Variants in DSCAM observed in about 807,000 individuals in gnomAD.
DSCAM encodes the protein cell adhesion molecule DSCAM.
In DSCAM, 47 loss-of-function variants were observed where a neutral mutation model predicts 217.7. That is an observed-to-expected ratio of 0.22 (90% confidence interval 0.17 to 0.28). DSCAM has a LOEUF of 0.28. DSCAM is among the 10% of genes least tolerant of loss of function. The pLI is 1.00. For synonymous variants in DSCAM, 1,056 were observed against 1,015.3 expected (o/e 1.04, Z -0.76); for missense variants, 2,080 against 2,618.3 (o/e 0.79, Z 4.49).
intron 3 of DSCAM, among the ~76,000 whole-genome samples, chr21:40,413,557 TC>T (rs1195686768): frequency 5.3e-5 from 8 of 152,234 alleles, no homozygotes; most frequent in Admixed American, 2.6e-4. Context: ...CTCCTATTTC[TC>T]TTGATTCAAT....
At chr21:40,734,274 G>A (rs936271182) in intron 1 of DSCAM, among the ~76,000 whole-genome samples, 13 of 152,092 alleles carry the variant, frequency 8.5e-5, no homozygotes, top group South Asian at 2.1e-4. Context: ...ATCAAGCTAC[G>A]GGGCTACAAG....
At chr21:40,293,439 G>A (rs2073918137) in intron 10 of DSCAM, among the ~76,000 whole-genome samples, 1 of 152,134 alleles carries the variant, frequency 6.6e-6, no homozygotes, top group African/African-American at 2.4e-5. Context: ...GGTGCCTGAT[G>A]ACTTAGCCAA....
chr21:40,167,089 T>C (rs1036564360), intron 16 of DSCAM, 129 bp downstream of exon 16: 2 of 767,850 alleles, frequency 2.6e-6, no homozygotes, highest in Non-Finnish European at 4.2e-6. Context: ...AGAAAAGGGC[T>C]TTCAACTTAA....
intron 3 of DSCAM, among the ~76,000 whole-genome samples, chr21:40,431,711 C>T (rs1252097327): frequency 6.6e-6 from 1 of 152,158 alleles, no homozygotes; most frequent in Non-Finnish European, 1.5e-5. Context: ...ATCAGTAAGG[C>T]TTCCAGTCAG....
chr21:40,500,110 C>T (rs2076159447), intron 3 of DSCAM, among the ~76,000 whole-genome samples: 1 of 152,124 alleles, frequency 6.6e-6, no homozygotes, highest in African/African-American at 2.4e-5. Flanking sequence ...AGGAAGAAAA[C>T]TTCAGCAGTA....
chr21:40,232,702 T>A (rs568873741), intron 11 of DSCAM, among the ~76,000 whole-genome samples: 15 of 152,192 alleles, frequency 9.9e-5, no homozygotes, highest in Non-Finnish European at 1.8e-4. Flanking sequence ...TAGCTGTAAT[T>A]TTTATGAGAT....
chr21:40,357,649 T>A (rs1299330877), intron 4 of DSCAM, among the ~76,000 whole-genome samples: 1 of 152,106 alleles, frequency 6.6e-6, no homozygotes, highest in Non-Finnish European at 1.5e-5. Flanking sequence ...TCTGTCTTCA[T>A]TTAATTAAGA....
chr21:40,090,632 TTC>T (rs145972107), intron 21 of DSCAM, among the ~76,000 whole-genome samples: 2,688 of 152,184 alleles, frequency 0.018, 76 homozygotes, highest in African/African-American at 0.061. Context: ...TCTCTGGCTT[TTC>T]CCCTTTTCCT....
At chr21:40,755,353 G>A (rs574109678) in intron 1 of DSCAM, among the ~76,000 whole-genome samples, 7 of 152,322 alleles carry the variant, frequency 4.6e-5, no homozygotes, top group African/African-American at 1.7e-4. Flanking sequence ...GGCTGAGGCA[G>A]TAGAATTGCT....
intron 19 of DSCAM, 62 bp downstream of exon 19, chr21:40,133,792 G>C: frequency 6.6e-7 from 1 of 1,526,124 alleles, no homozygotes; most frequent in South Asian, 1.3e-5. Context: ...AAAGGCAAGT[G>C]AGCTCTCTGT....
At position 40,485,444 on chromosome 21, in the gene DSCAM, G is replaced by A. The variant is rs908706466; in HGVS notation, c.509-116199C>T. On this transcript the variant is annotated intron_variant, in intron 3 of 32. Transcript: ENST00000400454. ...TTTTTAGTAGAGACGGGGTTTCACC[G>A]TGTTAGCCAGGATGGTCTCCATCTC... Among the ~76,000 whole-genome samples the A allele has an allele frequency of 4.2e-3, 636 of 151,354 alleles. 3 individuals carry two copies. Among genetic ancestry groups the A allele is most frequent in the African/African-American group, 0.014 (579 of 41,314 alleles).
At chr21:40,655,425 T>A (rs1355921396) in intron 3 of DSCAM, among the ~76,000 whole-genome samples, 2 of 149,512 alleles carry the variant, frequency 1.3e-5, no homozygotes, top group African/African-American at 4.9e-5. Context: ...GGTGCTATTG[T>A]GCTCCCTTCA....
intron 3 of DSCAM, among the ~76,000 whole-genome samples, chr21:40,598,586 C>G (rs1047881873): frequency 1.5e-5 from 2 of 136,664 alleles, no homozygotes; most frequent in African/African-American, 2.8e-5. Flanking sequence ...CTCACTGAAA[C>G]CTCCGCCTCC....
chr21:40,457,076 T>C (rs1264737351), intron 3 of DSCAM, among the ~76,000 whole-genome samples: 3 of 152,154 alleles, frequency 2.0e-5, no homozygotes, highest in Non-Finnish European at 2.9e-5. Context: ...GATTCTTTAA[T>C]GGTGATAAAT....
At chr21:40,746,118 A>T (rs1405658127) in intron 1 of DSCAM, among the ~76,000 whole-genome samples, 1 of 151,966 alleles carries the variant, frequency 6.6e-6, no homozygotes, top group Non-Finnish European at 1.5e-5. Flanking sequence ...TCTCAAGGAA[A>T]ACAATAAGAG....
chr21:40,085,495 A>G (rs939827574), intron 23 of DSCAM, 107 bp downstream of exon 23: 1 of 1,006,562 alleles, frequency 9.9e-7, no homozygotes, highest in Non-Finnish European at 1.3e-6. Flanking sequence ...TGGAAACAGA[A>G]GTTAGCTCTT....
intron 1 of DSCAM, among the ~76,000 whole-genome samples, chr21:40,773,484 G>A (rs187900596): frequency 6.6e-6 from 1 of 152,158 alleles, no homozygotes; most frequent in Non-Finnish European, 1.5e-5. Context: ...AGGGCTTATA[G>A]TAAGTCCAGG....
chr21:40,583,435 G>C (rs533087610), intron 3 of DSCAM, among the ~76,000 whole-genome samples: 1 of 152,076 alleles, frequency 6.6e-6, no homozygotes, highest in East Asian at 1.9e-4. Context: ...TTCTCGGCCT[G>C]GTACATGGAA....
At position 40,179,007 on chromosome 21, in the gene DSCAM, T is replaced by C. The variant is rs1555886411; in HGVS notation, c.2867A>G (p.Tyr956Cys). The C allele has an allele frequency of 2.5e-6, 4 of 1,613,712 alleles. No individual in the cohort carries two copies. Among genetic ancestry groups the C allele is most frequent in the Non-Finnish European group, 3.4e-6 (4 of 1,179,892 alleles). Residue 956 changes from tyrosine (Y) to cysteine (C), a missense_variant, in exon 15 of 33, where the codon TAC (tyrosine) becomes TGC (cysteine). Tyr to Cys is a radical substitution (Grantham distance 194). This residue lies in a region of DSCAM where 1,144 missense variants were observed against 1,421.1 expected (regional missense o/e 0.81). Transcript: ENST00000400454. Reference sequence around the variant, plus strand: ...GTTCTTGGCGTACATGCGGATGCTGTAGGTGGAGGAAGGGTGGATATCAAT... The same window carrying C: ...GTTCTTGGCGTACATGCGGATGCTGCAGGTGGAGGAAGGGTGGATATCAAT... ...TIIDIHPSST[Y>C]SIRMYAKNRI...
Sources: gnomAD v4.1 joint callset for allele counts (sites outside exome capture counted in the v4.1 genomes callset) on GRCh38, gnomAD v4.1.1 for gene constraint, gnomAD v4.1.1 regional missense constraint, MANE v1.5 for transcripts, NCBI Gene and HGNC (gene_info 2026-07-23, HGNC 2026-07-21) for gene names.